Variants in PDE3A observed in about 807,000 individuals in gnomAD.
PDE3A encodes the protein phosphodiesterase 3A.
PDE3A carries 43 observed loss-of-function variants against 98.3 expected under a neutral mutation model. That is an observed-to-expected ratio of 0.44 (90% CI 0.34 to 0.56). The LOEUF (loss-of-function observed/expected upper bound fraction) is 0.56, where lower values mean the gene tolerates loss of function less well. Ranked by LOEUF, PDE3A falls within the 20% of genes least tolerant of loss-of-function variation. PDE3A has a pLI of 0.01. For missense variants in PDE3A, 1,427 were observed against 1,440.7 expected (o/e 0.99, Z 0.15); for synonymous variants, 663 against 567.9 (o/e 1.17, Z -2.38).
At position 20,680,362 on chromosome 12, in the gene PDE3A, A is replaced by T; in HGVS notation, c.*91A>T. On this transcript the variant is annotated 3_prime_UTR_variant, in exon 16 of 16. Transcript: ENST00000359062. ...CAACATTTAGACACAACACTGTAGA[A>T]ATTTGAGATGGGCAAATGGCTATTG... 7.7e-7 allele frequency: 1 copy of T among 1,302,004 alleles called. No individual in the cohort carries two copies. The highest frequency in any genetic ancestry group is 1.1e-6 in the Non-Finnish European group (1 of 945,786). 80.7% of individuals were successfully genotyped at this position (1,302,004 alleles called of 1,614,324 possible). A position where few individuals can be genotyped will look rare whatever the true frequency, so the allele number is the denominator to read the frequency against.
intron 1 of PDE3A, among the ~76,000 whole-genome samples, chr12:20,515,550 A>G (rs1419396180): frequency 6.6e-6 from 1 of 152,128 alleles, no homozygotes; most frequent in African/African-American, 2.4e-5. Flanking sequence ...TGGACACTCA[A>G]ACTTTAACTC....
chr12:20,620,231 A>C (rs982946854), intron 4 of PDE3A, among the ~76,000 whole-genome samples: 1 of 152,058 alleles, frequency 6.6e-6, no homozygotes, highest in African/African-American at 2.4e-5. Context: ...TTTATTTACA[A>C]TAGGCTACCC....
chr12:20,369,894 C>T lies in PDE3A; in HGVS notation c.610C>T (p.Leu204=), dbSNP rs745903187. 74 of 1,613,214 alleles carry T rather than the reference C, an allele frequency of 4.6e-5. 1 individual carries two copies. The South Asian group carries it at 7.7e-4, about 17-fold the overall frequency. ...CAGCTGCTTGGCCGCCGCGACATGG[C>T]TGGTGCTGAGGCTGAGGCTGGGCGT... The part of the protein sequence containing the change: ...VLSCLAAATW[L]VLRLRLGVLM... The change falls in exon 1 of 16, where the codon CTG becomes TTG. Residue 204 remains leucine, a synonymous_variant. Transcript: ENST00000359062.
intron 1 of PDE3A, among the ~76,000 whole-genome samples, chr12:20,536,931 G>A (rs1231630791): frequency 6.6e-6 from 1 of 151,992 alleles, no homozygotes; most frequent in African/African-American, 2.4e-5. Flanking sequence ...GGATCATATG[G>A]TAAATCCTTG....
chr12:20,439,882 T>C (rs1387737010), intron 1 of PDE3A, among the ~76,000 whole-genome samples: 2 of 152,124 alleles, frequency 1.3e-5, no homozygotes, highest in African/African-American at 4.8e-5. Flanking sequence ...GCTAGCACTA[T>C]CTAGTAGAGC....
At chr12:20,522,631 A>G (rs1477778931) in intron 1 of PDE3A, among the ~76,000 whole-genome samples, 2 of 152,090 alleles carry the variant, frequency 1.3e-5, no homozygotes, top group South Asian at 2.1e-4. Flanking sequence ...TAGAGATTTT[A>G]GTGAGTTGAG....
intron 1 of PDE3A, among the ~76,000 whole-genome samples, chr12:20,431,701 AT>A (rs1158235451): frequency 6.6e-6 from 1 of 152,106 alleles, no homozygotes; most frequent in Non-Finnish European, 1.5e-5. Context: ...GTATGTCTAA[AT>A]TTTTCATGGT....
Position 20,688,413 on chromosome 12 carries a change from G to A in PDE3A, c.*8142G>A, listed in dbSNP as rs1250842130. 6.6e-6 allele frequency among the ~76,000 whole-genome samples: 1 copy of A among 151,482 alleles called. No individual in the cohort carries two copies. Among genetic ancestry groups the A allele is most frequent in the Non-Finnish European group, 1.5e-5 (1 of 67,856 alleles). On this transcript the variant is annotated 3_prime_UTR_variant, in exon 16 of 16. Transcript: ENST00000359062. ...TATTATTTTTTAGCTTAGATACTATGTTGATGCTCCCTTTTTGCCAGAATT... is the reference window on the plus strand; with the variant it reads ...TATTATTTTTTAGCTTAGATACTATATTGATGCTCCCTTTTTGCCAGAATT...
chr12:20,368,812 CGCAGCGCCGA>C lies in PDE3A; in HGVS notation c.-470_-461del, dbSNP rs1943395705. On this transcript the variant is annotated 5_prime_UTR_variant, in exon 1 of 16. The change creates a premature stop within an existing upstream ORF in the 5' untranslated region. Coordinates refer to ENST00000359062, the MANE Select transcript of PDE3A (RefSeq NM_000921.5). ...GCGGGCCCGGCGCGCTGCAGCGCAG[CGCAGCGCCGA>C]GCTGCGCCTCGGAATGGCCCGGAGC... 6.6e-6 allele frequency among the ~76,000 whole-genome samples: 1 copy of C among 151,884 alleles called. No homozygotes were observed. The highest frequency in any genetic ancestry group is 6.5e-5 in the Admixed American group (1 of 15,272).
Position 20,613,643 on chromosome 12 carries a change from C to T in PDE3A, c.1212C>T (p.Asn404=), listed in dbSNP as rs753810284. ...ATCCCGTCACTTCGCTCAGTGAAAA[C>T]TATACCTGTTCTGACTCTGAAGAGA... The part of the protein sequence containing the change: ...RVNPVTSLSE[N]YTCSDSEESS... Residue 404 remains asparagine, a synonymous_variant, in exon 3 of 16, where the codon AAC becomes AAT. Coordinates refer to ENST00000359062, the MANE Select transcript of PDE3A (RefSeq NM_000921.5). The T allele has an allele frequency of 6.2e-7, 1 of 1,613,690 alleles. No homozygotes were observed. Among genetic ancestry groups the T allele is most frequent in the Admixed American group, 1.7e-5 (1 of 60,004 alleles).
At chr12:20,459,306 G>C (rs1945206848) in intron 1 of PDE3A, among the ~76,000 whole-genome samples, 1 of 152,032 alleles carries the variant, frequency 6.6e-6, no homozygotes, top group African/African-American at 2.4e-5. Context: ...ATATTTTAGA[G>C]TTATGACTAG....
At chr12:20,621,230 C>A in intron 4 of PDE3A, 66 bp from the exon 5 acceptor site, 1 of 884,294 alleles carries the variant, frequency 1.1e-6, no homozygotes, top group Non-Finnish European at 1.9e-6. Context: ...TCTGGCAAGA[C>A]TGGCCCAATA....
chr12:20,510,275 G>A (rs888145417), intron 1 of PDE3A, among the ~76,000 whole-genome samples: 2 of 151,848 alleles, frequency 1.3e-5, no homozygotes, highest in Non-Finnish European at 2.9e-5. Flanking sequence ...ATACAAATTT[G>A]TCAGCCAGTT....
chr12:20,656,302 T>C (rs988757710), intron 15 of PDE3A, among the ~76,000 whole-genome samples: 6 of 152,222 alleles, frequency 3.9e-5, no homozygotes, highest in Non-Finnish European at 5.9e-5. Flanking sequence ...AACCTTCTAC[T>C]GATCCATTTT....
intron 1 of PDE3A, among the ~76,000 whole-genome samples, chr12:20,527,559 G>A (rs1459969452): frequency 6.6e-6 from 1 of 152,152 alleles, no homozygotes; most frequent in Non-Finnish European, 1.5e-5. Context: ...TCTTTCCGCT[G>A]TCTGTTTGTT....
intron 9 of PDE3A, 106 bp from the exon 10 acceptor site, chr12:20,639,740 G>A (rs1413650704): frequency 5.2e-6 from 3 of 577,404 alleles, no homozygotes; most frequent in Non-Finnish European, 6.3e-6. Flanking sequence ...TTTTGAAAAG[G>A]CATTTAATGT....
At position 20,369,676 on chromosome 12, in the gene PDE3A, A is replaced by G; in HGVS notation, c.392A>G (p.Gln131Arg). 1 of 1,609,244 alleles carries G rather than the reference A, an allele frequency of 6.2e-7. No homozygotes were observed. The highest frequency in any genetic ancestry group is 2.2e-5 in the East Asian group (1 of 44,676). The change falls in exon 1 of 16, where the codon CAG (glutamine) becomes CGG (arginine). Residue 131 changes from glutamine (Q) to arginine (R), a missense_variant. Gln to Arg is a conservative substitution (Grantham distance 43). This residue lies in a region of PDE3A where 1,012 missense variants were observed against 886.5 expected (regional missense o/e 1.14). Transcript: ENST00000359062. ...GGTGCGCGGCTCAGCCCCTGGCTGC[A>G]GCCCTCGGCGCTGCTCTTCAGTCTC... ...GGGARLSPWL[Q>R]PSALLFSLLC... is the part of the protein sequence containing the mutation.
At chr12:20,677,520 C>T (rs79387555) in intron 15 of PDE3A, among the ~76,000 whole-genome samples, 5,363 of 151,994 alleles carry the variant, frequency 0.035, 128 homozygotes, top group Middle Eastern at 0.065. Flanking sequence ...AGTGCAGTGG[C>T]ACCATCTTGG....
chr12:20,576,763 T>C (rs191084752), intron 2 of PDE3A, among the ~76,000 whole-genome samples: 80 of 152,282 alleles, frequency 5.3e-4, no homozygotes, highest in African/African-American at 1.9e-3. Context: ...ATATTGATAA[T>C]GAGAATGTTA....
Sources: gnomAD v4.1 joint callset for allele counts (sites outside exome capture counted in the v4.1 genomes callset) on GRCh38, gnomAD v4.1.1 for gene constraint, gnomAD v4.1.1 regional missense constraint, MANE v1.5 for transcripts, NCBI Gene and HGNC (gene_info 2026-07-23, HGNC 2026-07-21) for gene names.